CCNG2: variants seen among roughly 807,000 people sequenced by gnomAD.
CCNG2 encodes the protein cyclin G2, also known as cyclin-G2.
Under a neutral mutation model 36.5 loss-of-function variants are expected in CCNG2, and 20 were observed. The observed-to-expected ratio is 0.55, with a 90% confidence interval of 0.39 to 0.80. The LOEUF (loss-of-function observed/expected upper bound fraction) is 0.80, where lower values mean the gene tolerates loss of function less well. CCNG2 is among the 30% of genes least tolerant of loss of function. CCNG2 has a pLI of 0.00. For missense variants in CCNG2, 358 were observed against 390.8 expected (o/e 0.92, Z 0.71); for synonymous variants, 155 against 140.1 (o/e 1.11, Z -0.75).
intron 7 of CCNG2, among the ~76,000 whole-genome samples, chr4:77,165,330 A>G (rs532929477): frequency 1.3e-5 from 2 of 152,312 alleles, no homozygotes; most frequent in Admixed American, 6.5e-5. Flanking sequence ...GAATTCTACA[A>G]TTCTAATACT....
chr4:77,165,089 A>G (rs1405059987), intron 7 of CCNG2: 1 of 152,218 alleles, frequency 6.6e-6, no homozygotes, highest in East Asian at 1.9e-4. Flanking sequence ...GTGTTGTCTT[A>G]TTCAGAATTT....
At position 77,158,561 on chromosome 4, in the gene CCNG2, C is replaced by T. The variant is rs1037944286; in HGVS notation, c.29C>T (p.Ala10Val). 5.0e-6 allele frequency: 8 copies of T among 1,613,956 alleles called. No individual in the cohort carries two copies. In the South Asian group the frequency reaches 5.5e-5, roughly 11 times the overall value. ...AAGGATTTGGGGGCAGAGCACTTGG[C>T]AGGTCATGAAGGGGTCCAACTTCTC... MKDLGAEHLAGHEGVQLLGL... is the reference protein window; with the variant it reads MKDLGAEHLVGHEGVQLLGL... The change falls in exon 2 of 8, where the codon GCA (alanine) becomes GTA (valine). Residue 10 changes from alanine (A) to valine (V), a missense_variant. Transcript: ENST00000316355.
At chr4:77,161,621 T>C in intron 5 of CCNG2, 28 bp from the exon 6 acceptor site, 3 of 1,559,114 alleles carry the variant, frequency 1.9e-6, no homozygotes, top group Non-Finnish European at 2.6e-6. Flanking sequence ...TTAAAAAATA[T>C]TTTTCTTTTT....
In CCNG2 at chr4:77,160,942, T is replaced by C. The variant is rs1731418385; in HGVS notation, c.498T>C (p.His166=). Residue 166 remains histidine (H), a synonymous_variant, in exon 4 of 8, where the codon CAT becomes CAC. Coordinates refer to ENST00000316355, the MANE Select transcript of CCNG2 (RefSeq NM_004354.3). The part of the protein sequence containing the change: ...TTALNFLHLY[H]TIILCHTSER... ...CCTTAAACTTTTTGCACTTATACCA[T>C]ACTATTATACTTTGTCATACTTCAG... is the stretch of plus-strand genomic sequence containing the variant. The C allele has an allele frequency of 6.2e-7, 1 of 1,605,254 alleles. No homozygotes were observed. Among genetic ancestry groups the C allele is most frequent in the Middle Eastern group, 1.7e-4 (1 of 6,060 alleles).
intron 2 of CCNG2, among the ~76,000 whole-genome samples, 164 bp from the exon 3 acceptor site, chr4:77,159,203 C>T (rs1731357863): frequency 6.6e-6 from 1 of 152,060 alleles, no homozygotes; most frequent in Non-Finnish European, 1.5e-5. Context: ...AAGTGTATAG[C>T]TTTAGTTAAG....
At chr4:77,161,369 T>C (rs1317281530) in intron 4 of CCNG2, 111 bp from the exon 5 acceptor site, 22 of 767,344 alleles carry the variant, frequency 2.9e-5, no homozygotes, top group Non-Finnish European at 4.6e-5. Context: ...TCCAAAGTGG[T>C]GGGATTACAG....
chr4:77,157,426 A>T lies in CCNG2; in HGVS notation c.-81A>T, dbSNP rs2109912165. ...TGAGGCGGTGGGTCCCCGACCTGCG[A>T]GACAGGTTTGGAAGCCCCCGCTGCG... On this transcript the variant is annotated 5_prime_UTR_variant, in exon 1 of 8. Coordinates refer to ENST00000316355, the MANE Select transcript of CCNG2 (RefSeq NM_004354.3). 6.6e-6 allele frequency: 1 copy of T among 152,370 alleles called. No homozygotes were observed. The allele number at this position is 152,370 out of a possible 1,614,324, so 9.4% of individuals were successfully genotyped here. A position where few individuals can be genotyped will look rare whatever the true frequency, so the allele number is the denominator to read the frequency against.
chr4:77,164,157 G>A (rs1427034790), intron 6 of CCNG2, 117 bp from the exon 7 acceptor site: 24 of 663,628 alleles, frequency 3.6e-5, no homozygotes, highest in Middle Eastern at 4.0e-4. Context: ...GGGTGGAAGC[G>A]GGTAGTGGGA....
intron 1 of CCNG2, 113 bp from the exon 2 acceptor site, chr4:77,158,420 G>T (rs1214341022): frequency 1.2e-5 from 12 of 1,022,194 alleles, no homozygotes; most frequent in Middle Eastern, 2.9e-4. Context: ...CCCGCTCCTT[G>T]TCGGGGTGTG....
chr4:77,160,811 C>T lies in CCNG2; in HGVS notation c.367C>T (p.His123Tyr). 1.2e-6 allele frequency: 2 copies of T among 1,613,868 alleles called. No homozygotes were observed. The highest frequency in any genetic ancestry group is 1.7e-6 in the Non-Finnish European group (2 of 1,179,852). Residue 123 changes from histidine to tyrosine, a missense_variant, in exon 4 of 8, where the codon CAT (histidine) becomes TAT (tyrosine). Transcript: ENST00000316355. The part of the protein sequence containing the change: ...VEEDCNIPST[H>Y]DVIRISQCKC... ...AGAAGACTGCAATATTCCATCCACT[C>T]ATGATGTGATCCGGATTAGTCAGTG...
intron 1 of CCNG2, among the ~76,000 whole-genome samples, chr4:77,157,749 C>T (rs1160227653): frequency 6.6e-6 from 1 of 152,078 alleles, no homozygotes; most frequent in African/African-American, 2.4e-5. Context: ...TCGGTGCCCC[C>T]CGCCCCCGCT....
chr4:77,158,890 A>G (rs2109914970), intron 2 of CCNG2, among the ~76,000 whole-genome samples: 1 of 152,298 alleles, frequency 6.6e-6, no homozygotes, highest in Middle Eastern at 3.4e-3. Flanking sequence ...GTTGTTTTTA[A>G]TGTGGCACCC....
At position 77,169,601 on chromosome 4, in the gene CCNG2, G is replaced by C. The variant is rs1489123833; in HGVS notation, c.*3677G>C. Reference sequence around the variant, plus strand: ...ATATGTCCAAGCCTAGGCTTTAAGAGACTGGCAGCTTTCCTTTTATCCTTT... The same window carrying C: ...ATATGTCCAAGCCTAGGCTTTAAGACACTGGCAGCTTTCCTTTTATCCTTT... On this transcript the variant is annotated 3_prime_UTR_variant, in exon 8 of 8. Coordinates refer to ENST00000316355, the MANE Select transcript of CCNG2 (RefSeq NM_004354.3). 1 of 152,234 alleles carries C rather than the reference G, an allele frequency of 6.6e-6. No individual in the cohort carries two copies. Among genetic ancestry groups the C allele is most frequent in the East Asian group, 1.9e-4 (1 of 5,204 alleles). The allele number at this position is 152,234 out of a possible 1,614,324, so 9.4% of individuals were successfully genotyped here. A position where few individuals can be genotyped will look rare whatever the true frequency, so the allele number is the denominator to read the frequency against.
chr4:77,164,689 G>A, intron 7 of CCNG2: 2 of 474,648 alleles, frequency 4.2e-6, no homozygotes, highest in Non-Finnish European at 7.4e-6. Context: ...AATTTTTTTA[G>A]TTTTTTTCTT....
chr4:77,161,406 C>A (rs1345047670), intron 4 of CCNG2, 74 bp from the exon 5 acceptor site: 7 of 1,228,362 alleles, frequency 5.7e-6, no homozygotes, highest in East Asian at 2.4e-5. Context: ...CTGGCCCTGG[C>A]AAATATTTAA....
Position 77,166,955 on chromosome 4 carries a change from ATTT to A in CCNG2, c.*1034_*1036del, listed in dbSNP as rs1224531040. On this transcript the variant is annotated 3_prime_UTR_variant, in exon 8 of 8. Coordinates refer to ENST00000316355, the MANE Select transcript of CCNG2 (RefSeq NM_004354.3). ...GTACATGTAAGATTTTGTACAGAGA[ATTT>A]TTAACTTTATAAATTGTATATGAAC... 6.6e-6 allele frequency: 1 copy of A among 152,216 alleles called. No individual in the cohort carries two copies. The highest frequency in any genetic ancestry group is 1.5e-5 in the Non-Finnish European group (1 of 68,032). 9.4% of individuals were successfully genotyped at this position (152,216 alleles called of 1,614,324 possible).
At chr4:77,163,845 C>A (rs1279392710) in intron 6 of CCNG2, among the ~76,000 whole-genome samples, 1 of 152,174 alleles carries the variant, frequency 6.6e-6, no homozygotes, top group Non-Finnish European at 1.5e-5. Flanking sequence ...TGCCTTGTTG[C>A]AGGAACCCAA....
rs1373677650 is a variant in CCNG2, at chr4:77,160,855, C to T, written c.411C>T (p.Asp137=). 6.8e-6 allele frequency: 11 copies of T among 1,613,940 alleles called. No individual in the cohort carries two copies. The East Asian group carries it at 2.5e-4, about 36-fold the overall frequency. Residue 137 remains aspartate, a synonymous_variant, in exon 4 of 8, where the codon GAC becomes GAT. Coordinates refer to ENST00000316355, the MANE Select transcript of CCNG2 (RefSeq NM_004354.3). ...GTCAGTGTAAATGTACTGCTTCTGACATAAAACGGATGGAAAAAATAATTT... is the reference window on the plus strand; with the variant it reads ...GTCAGTGTAAATGTACTGCTTCTGATATAAAACGGATGGAAAAAATAATTT... ...RISQCKCTAS[D]IKRMEKIISE... is the part of the protein sequence containing the mutation.
Position 77,165,939 on chromosome 4 carries a change from T to C in CCNG2, c.*15T>C. ...TTCCATCTTAGAAATCTGATTGTTC[T>C]GTCAGAATTTATATTTACAGGTTTC... On this transcript the variant is annotated 3_prime_UTR_variant, in exon 8 of 8. Transcript: ENST00000316355. The C allele has an allele frequency of 3.1e-6, 5 of 1,588,506 alleles. 1 individual carries two copies. Among genetic ancestry groups the C allele is most frequent in the South Asian group, 2.3e-5 (2 of 86,138 alleles).
Sources: gnomAD v4.1 joint callset for allele counts (sites outside exome capture counted in the v4.1 genomes callset) on GRCh38, gnomAD v4.1.1 for gene constraint, MANE v1.5 for transcripts, NCBI Gene and HGNC (gene_info 2026-07-23, HGNC 2026-07-21) for gene names.